The following EVC2 variants were observed in gnomAD, a reference collection of about 807,000 sequenced individuals.
EVC2 encodes limbin.
A neutral mutation model predicts 149.3 loss-of-function variants in EVC2; 148 were observed. The ratio of observed to expected loss-of-function variants is 0.99; its 90% confidence interval spans 0.87 to 1.14. EVC2 has a LOEUF of 1.14. EVC2 is among the 50% of genes most tolerant of loss of function. The pLI, the probability that EVC2 is intolerant of heterozygous loss-of-function variation, is 0.00. For synonymous variants in EVC2, 776 were observed against 649.9 expected, an observed-to-expected ratio of 1.19 and a Z score of -2.95; for missense variants, 1,854 against 1,627.3, an observed-to-expected ratio of 1.14 and a Z score of -2.40.
Position 5,663,764 on chromosome 4 carries a change from T to A in EVC2, c.1006-518A>T, listed in dbSNP as rs1719066866. On this transcript the variant is annotated intron_variant, in intron 8 of 21. Coordinates refer to ENST00000344408, the MANE Select transcript of EVC2 (RefSeq NM_147127.5). The stretch of plus-strand genomic sequence containing the variant: ...GGTGAAACCCTGTCTCTACTAAAAA[T>A]ACAAAAATTAGCCAGGCGTGGTGGC... 2.6e-5 allele frequency among the ~76,000 whole-genome samples: 4 copies of A among 152,090 alleles called. No homozygotes were observed. In the South Asian group the frequency reaches 8.3e-4, roughly 32 times the overall value.
In EVC2 at chr4:5,622,886, C is replaced by T. The variant is rs762306367; in HGVS notation, c.2152G>A (p.Gly718Ser). Residue 718 changes from glycine (G) to serine (S), a missense_variant, in exon 14 of 22, where the codon GGT becomes AGT. Coordinates refer to ENST00000344408, the MANE Select transcript of EVC2 (RefSeq NM_147127.5). This position sits in a 1 kb window ranked among gnomAD's most constrained non-coding sequence, Gnocchi z 5.8. ...HQKRSLMEEHGATLEELQERL... is the reference protein window; with the variant it reads ...HQKRSLMEEHSATLEELQERL... ...TCCTGCAGCTCCTCCAGGGTGGCAC[C>T]GTGCTCCTCCATCAGGCTCCTCTTC... 9.3e-6 allele frequency: 15 copies of T among 1,614,068 alleles called. No individual in the cohort carries two copies. Among genetic ancestry groups the T allele is most frequent in the Non-Finnish European group, 1.3e-5 (15 of 1,180,050 alleles).
At chr4:5,706,355 CACATAGATAGAT>C (rs1722153898) in intron 1 of EVC2, among the ~76,000 whole-genome samples, 2 of 8,186 alleles carry the variant, frequency 2.4e-4, no homozygotes, top group African/African-American at 1.3e-3. Flanking sequence ...GATAGATAGA[CACATAGATAGAT>C]ACATAGATAG....
At chr4:5,550,149 G>T (rs1224620607) in intron 21 of EVC2, among the ~76,000 whole-genome samples, 1 of 152,166 alleles carries the variant, frequency 6.6e-6, no homozygotes, top group Non-Finnish European at 1.5e-5. Flanking sequence ...ACTGGGAGTG[G>T]GGTGCTGCTG....
chr4:5,703,482 GA>G (rs1721955953), intron 1 of EVC2, among the ~76,000 whole-genome samples: 1 of 152,158 alleles, frequency 6.6e-6, no homozygotes, highest in Non-Finnish European at 1.5e-5. Context: ...GTTGACACAT[GA>G]AATGCTCAAG....
At chr4:5,617,589 T>C (rs548493892) in intron 15 of EVC2, among the ~76,000 whole-genome samples, 3 of 152,102 alleles carry the variant, frequency 2.0e-5, no homozygotes, top group Non-Finnish European at 4.4e-5. Context: ...ACATTTCAGA[T>C]AATGATAAAG....
intron 17 of EVC2, among the ~76,000 whole-genome samples, chr4:5,578,289 T>G (rs1216957226): frequency 2.0e-5 from 3 of 152,100 alleles, no homozygotes; most frequent in Admixed American, 2.0e-4. Context: ...ACAGCAACAA[T>G]AACAACAATG....
At chr4:5,590,748 T>C (rs1469777414) in intron 16 of EVC2, among the ~76,000 whole-genome samples, 2 of 152,180 alleles carry the variant, frequency 1.3e-5, no homozygotes, top group African/African-American at 2.4e-5. Flanking sequence ...CCACCATTTT[T>C]TTGTACATGA....
intron 17 of EVC2, among the ~76,000 whole-genome samples, chr4:5,579,699 G>A (rs969177275): frequency 6.6e-6 from 1 of 152,032 alleles, no homozygotes; most frequent in Non-Finnish European, 1.5e-5. Context: ...AAATTAGCTG[G>A]GCATGATAGT....
chr4:5,615,431 C>G lies in EVC2; in HGVS notation c.2820G>C (p.Leu940=), dbSNP rs145709352. ...HLCEEQASED[L]VEKVRGELLR... is the part of the protein sequence containing the mutation. ...AAGCAGATGTACTGACCTTTTCCAC[C>G]AGGTCTTCAGAGGCCTGTTCCTCAC... Residue 940 remains leucine (L), a synonymous_variant, in exon 16 of 22, where the codon CTG becomes CTC. Coordinates refer to ENST00000344408, the MANE Select transcript of EVC2 (RefSeq NM_147127.5). 3.7e-6 allele frequency: 6 copies of G among 1,614,188 alleles called. No individual in the cohort carries two copies. Among genetic ancestry groups the G allele is most frequent in the Non-Finnish European group, 5.1e-6 (6 of 1,180,028 alleles).
chr4:5,647,591 A>G (rs892261564), intron 9 of EVC2, among the ~76,000 whole-genome samples: 13 of 152,230 alleles, frequency 8.5e-5, no homozygotes, highest in African/African-American at 3.1e-4. Flanking sequence ...TGTATGGCTA[A>G]ATGTCAAATG....
intron 21 of EVC2, among the ~76,000 whole-genome samples, chr4:5,551,561 G>A (rs1721739137): frequency 6.6e-6 from 1 of 152,186 alleles, no homozygotes; most frequent in Non-Finnish European, 1.5e-5. Flanking sequence ...GAAGGGACTT[G>A]CCTTGTCTTA....
At chr4:5,639,794 C>T (rs1026668586) in intron 10 of EVC2, among the ~76,000 whole-genome samples, 1 of 152,226 alleles carries the variant, frequency 6.6e-6, no homozygotes, top group Admixed American at 6.5e-5. Context: ...AGCCTTTCTT[C>T]TCTACCCATG....
intron 17 of EVC2, among the ~76,000 whole-genome samples, chr4:5,579,925 G>C (rs933708898): frequency 6.6e-6 from 1 of 152,216 alleles, no homozygotes; most frequent in East Asian, 1.9e-4. Flanking sequence ...TGCAAATACA[G>C]TGGGTACCAT....
In EVC2 at chr4:5,567,355, C is replaced by T. The variant is rs748151348; in HGVS notation, c.3557+1089G>A. ...GCTTCTTGGATTTTGGGGTCAGATA[C>T]TCTGATAAAAAGTATCTCTGATAAG... On this transcript the variant is annotated intron_variant, in intron 20 of 21. Coordinates refer to ENST00000344408, the MANE Select transcript of EVC2 (RefSeq NM_147127.5). The surrounding 1 kb of genome is among the most constrained non-coding windows in gnomAD (Gnocchi z 4.4). Among the ~76,000 whole-genome samples the T allele has an allele frequency of 2.0e-5, 3 of 152,132 alleles. No individual in the cohort carries two copies. The highest frequency in any genetic ancestry group is 2.1e-4 in the South Asian group (1 of 4,812).
intron 16 of EVC2, among the ~76,000 whole-genome samples, chr4:5,599,398 A>T (rs1044592319): frequency 6.6e-6 from 1 of 152,206 alleles, no homozygotes; most frequent in Admixed American, 6.5e-5. Flanking sequence ...GCCATAAAAA[A>T]TGATGAGTTC....
At chr4:5,684,866 G>C (rs984299164) in intron 6 of EVC2, among the ~76,000 whole-genome samples, 1 of 152,138 alleles carries the variant, frequency 6.6e-6, no homozygotes, top group African/African-American at 2.4e-5. Context: ...CAGACGTGCA[G>C]CCAGGGAAGG....
chr4:5,672,573 C>T (rs935701793), intron 7 of EVC2, among the ~76,000 whole-genome samples: 1 of 152,138 alleles, frequency 6.6e-6, no homozygotes, highest in African/African-American at 2.4e-5. Context: ...CTCTTAGATC[C>T]ACCCCTTTCC....
At chr4:5,662,399 AAAAT>A (rs1369230793) in intron 9 of EVC2, among the ~76,000 whole-genome samples, 3 of 144,200 alleles carry the variant, frequency 2.1e-5, no homozygotes, top group Admixed American at 1.4e-4. Context: ...TTAAAAGTTA[AAAAT>A]AAATAAAAAA....
chr4:5,568,781 A>G (rs1722471701), intron 19 of EVC2, 141 bp from the exon 20 acceptor site: 2 of 1,112,914 alleles, frequency 1.8e-6, no homozygotes, highest in Admixed American at 4.0e-5. Flanking sequence ...ATGTTCCCGA[A>G]CTTTCAGAGC....
Sources: allele counts gnomAD v4.1 joint callset (sites outside exome capture counted in the v4.1 genomes callset), GRCh38; gene constraint gnomAD v4.1.1; non-coding constraint Gnocchi (gnomAD v3.1); transcripts MANE v1.5; gene names NCBI Gene and HGNC (gene_info 2026-07-23, HGNC 2026-07-21).